The following KCNK5 variants were observed in gnomAD, a reference collection of about 807,000 sequenced individuals.
KCNK5 encodes potassium channel subfamily K member 5.
Under a neutral mutation model 32.9 loss-of-function variants are expected in KCNK5, and 18 were observed. That is an observed-to-expected ratio of 0.55 (90% CI 0.38 to 0.81). The LOEUF (loss-of-function observed/expected upper bound fraction) is 0.81. Ranked by LOEUF, KCNK5 falls within the 30% of genes least tolerant of loss-of-function variation. KCNK5 has a pLI of 0.00. For synonymous variants in KCNK5, 276 were observed against 275.3 expected, an observed-to-expected ratio of 1.00 and a Z score of -0.03; for missense variants, 507 against 651.0, an observed-to-expected ratio of 0.78 and a Z score of 2.41.
intron 1 of KCNK5, among the ~76,000 whole-genome samples, chr6:39,227,585 AC>A (rs1771697072): frequency 6.6e-6 from 1 of 151,056 alleles, no homozygotes; most frequent in Non-Finnish European, 1.5e-5. Context: ...GCTAGACTAA[AC>A]CTCCCCTTCT....
At chr6:39,209,206 T>C (rs1015763276) in intron 1 of KCNK5, among the ~76,000 whole-genome samples, 1 of 152,114 alleles carries the variant, frequency 6.6e-6, no homozygotes, top group Non-Finnish European at 1.5e-5. Flanking sequence ...AGGCCCCCAT[T>C]TGGAAACCAC....
At chr6:39,227,936 T>A (rs1173918469) in intron 1 of KCNK5, among the ~76,000 whole-genome samples, 1 of 152,148 alleles carries the variant, frequency 6.6e-6, no homozygotes, top group Non-Finnish European at 1.5e-5. Flanking sequence ...CCCTACCTGC[T>A]GCAATCTAGA....
chr6:39,203,810 G>A (rs915492296), intron 1 of KCNK5, among the ~76,000 whole-genome samples: 1 of 152,228 alleles, frequency 6.6e-6, no homozygotes, highest in African/African-American at 2.4e-5. Context: ...AATATGCAGG[G>A]GCTGCCCTAG....
intron 1 of KCNK5, among the ~76,000 whole-genome samples, chr6:39,206,934 C>T (rs1192246674): frequency 6.6e-6 from 1 of 152,240 alleles, no homozygotes. Context: ...ACTATTATTG[C>T]TCTGTGAATA....
At chr6:39,227,119 G>A (rs1004420111) in intron 1 of KCNK5, among the ~76,000 whole-genome samples, 1 of 46,154 alleles carries the variant, frequency 2.2e-5, no homozygotes, top group African/African-American at 8.2e-5. Flanking sequence ...CGCCCCCCCC[G>A]CCGTATGCCC....
intron 1 of KCNK5, among the ~76,000 whole-genome samples, chr6:39,211,450 G>C (rs991885071): frequency 1.3e-5 from 2 of 152,140 alleles, no homozygotes; most frequent in Non-Finnish European, 2.9e-5. Context: ...TTTTCCAGTG[G>C]ATAGGACCAG....
At chr6:39,209,893 C>T (rs192577809) in intron 1 of KCNK5, among the ~76,000 whole-genome samples, 79 of 152,276 alleles carry the variant, frequency 5.2e-4, no homozygotes, top group African/African-American at 1.9e-3. Flanking sequence ...GGGAACGATG[C>T]CACCTCCTCA....
At chr6:39,217,363 C>T (rs1019691460) in intron 1 of KCNK5, among the ~76,000 whole-genome samples, 3 of 151,972 alleles carry the variant, frequency 2.0e-5, no homozygotes, top group South Asian at 4.2e-4. Flanking sequence ...GAGATGCTGG[C>T]GGGTCTTCTG....
At chr6:39,211,777 A>C (rs1479829090) in intron 1 of KCNK5, among the ~76,000 whole-genome samples, 1 of 151,950 alleles carries the variant, frequency 6.6e-6, no homozygotes, top group Admixed American at 6.6e-5. Flanking sequence ...CAGCCTGACC[A>C]ACATGGTGAA....
Position 39,216,789 on chromosome 6 carries a change from T to C in KCNK5, c.186+12137A>G, listed in dbSNP as rs552615557. ...CTACCACCTCCCAAAGTCCTTTCTGTCATCAGTGGATACGAACGTTGAGTT... is the reference window on the plus strand; with the variant it reads ...CTACCACCTCCCAAAGTCCTTTCTGCCATCAGTGGATACGAACGTTGAGTT... On this transcript the variant is annotated intron_variant, in intron 1 of 4. Transcript: ENST00000359534. Among the ~76,000 whole-genome samples, 37 of 152,242 alleles carry C rather than the reference T, an allele frequency of 2.4e-4. No individual in the cohort carries two copies. In the South Asian group the frequency reaches 7.7e-3, roughly 32 times the overall value.
chr6:39,208,297 C>T (rs1334261772), intron 1 of KCNK5, among the ~76,000 whole-genome samples: 1 of 152,154 alleles, frequency 6.6e-6, no homozygotes. Flanking sequence ...GGTTTCTCTA[C>T]CCCTATGAAG....
chr6:39,191,299 C>G lies in KCNK5; in HGVS notation c.1091G>C (p.Ser364Thr). The change falls in exon 5 of 5, where the codon AGC (serine) becomes ACC (threonine). Residue 364 changes from serine (S) to threonine (T), a missense_variant. Physicochemically the swap from Ser to Thr is moderately conservative, Grantham distance 58. Coordinates refer to ENST00000359534, the MANE Select transcript of KCNK5 (RefSeq NM_003740.4). The surrounding 1 kb of genome is among the most constrained non-coding windows in gnomAD (Gnocchi z 5.8). ...TGGGGACCTTGATACGTGGCCTTTGCTCCTCAGTGTCTGTGACACCTCTTC... is the reference window on the plus strand; with the variant it reads ...TGGGGACCTTGATACGTGGCCTTTGGTCCTCAGTGTCTGTGACACCTCTTC... Reference protein sequence around the residue: ...TLEEVSQTLRSKGHVSRSPDE... With the variant: ...TLEEVSQTLRTKGHVSRSPDE... 1 of 1,614,068 alleles carries G rather than the reference C, an allele frequency of 6.2e-7. No individual in the cohort carries two copies.
In KCNK5 at chr6:39,194,863, G is replaced by T; in HGVS notation, c.299-103C>A. ...CCGTTCTCTAAGATAAATTGATATT[G>T]ATCTATTGTCAGTACTTAAGTAATG... On this transcript the variant is annotated intron_variant, in intron 2 of 4. Transcript: ENST00000359534. The surrounding 1 kb of genome is among the most constrained non-coding windows in gnomAD (Gnocchi z 4.7). 4.2e-6 allele frequency: 4 copies of T among 945,554 alleles called. No individual in the cohort carries two copies. Among genetic ancestry groups the T allele is most frequent in the South Asian group, 1.5e-5 (1 of 66,118 alleles). 58.6% of individuals were successfully genotyped at this position (945,554 alleles called of 1,614,324 possible). A position where few individuals can be genotyped will look rare whatever the true frequency, so the allele number is the denominator to read the frequency against.
intron 1 of KCNK5, among the ~76,000 whole-genome samples, chr6:39,214,036 A>AC (rs1213236754): frequency 6.6e-6 from 1 of 152,048 alleles, no homozygotes; most frequent in Non-Finnish European, 1.5e-5. Flanking sequence ...AAAAAAAAAA[A>AC]GATGTGTACA....
At chr6:39,216,367 C>T (rs1312915570) in intron 1 of KCNK5, among the ~76,000 whole-genome samples, 1 of 152,140 alleles carries the variant, frequency 6.6e-6, no homozygotes, top group African/African-American at 2.4e-5. Context: ...GGTGTCAGAA[C>T]CTGGAAGACT....
At chr6:39,228,698 G>A (rs1049685848) in intron 1 of KCNK5, among the ~76,000 whole-genome samples, 9 of 152,230 alleles carry the variant, frequency 5.9e-5, no homozygotes, top group Admixed American at 2.0e-4. Context: ...ATTTGTCTCC[G>A]GCCAAACTAA....
intron 1 of KCNK5, among the ~76,000 whole-genome samples, chr6:39,226,878 C>T (rs907864081): frequency 3.3e-5 from 5 of 152,124 alleles, no homozygotes; most frequent in Non-Finnish European, 5.9e-5. Flanking sequence ...CAGGGCTGTC[C>T]TTGTTCAAGA....
intron 1 of KCNK5, among the ~76,000 whole-genome samples, chr6:39,215,145 A>C (rs1361050672): frequency 6.6e-6 from 1 of 152,144 alleles, no homozygotes; most frequent in African/African-American, 2.4e-5. Context: ...GGTGGATTGC[A>C]GGGCTGAGGC....
chr6:39,196,519 G>A (rs997079925), intron 1 of KCNK5, among the ~76,000 whole-genome samples: 1 of 152,180 alleles, frequency 6.6e-6, no homozygotes, highest in Non-Finnish European at 1.5e-5. Flanking sequence ...CTTGTTCAGG[G>A]TTGGCTGGGG....
Sources: gnomAD v4.1 joint callset for allele counts (sites outside exome capture counted in the v4.1 genomes callset) on GRCh38, gnomAD v4.1.1 for gene constraint, Gnocchi (gnomAD v3.1) non-coding constraint, MANE v1.5 for transcripts, NCBI Gene and HGNC (gene_info 2026-07-23, HGNC 2026-07-21) for gene names.